EXPH5: variants seen among roughly 807,000 people sequenced by gnomAD.
EXPH5 encodes the protein exophilin 5.
In EXPH5, 42 loss-of-function variants were observed where a neutral mutation model predicts 41.1. The observed-to-expected ratio is 1.02, with a 90% CI of 0.80 to 1.32. The LOEUF is 1.32. Ranked by LOEUF, EXPH5 falls within the 40% of genes most tolerant of loss-of-function variation. EXPH5 has a pLI of 0.00. For missense variants in EXPH5, 2,298 were observed against 2,314.5 expected (o/e 0.99, Z 0.15); for synonymous variants, 798 against 833.5 (o/e 0.96, Z 0.73).
In EXPH5 at chr11:108,509,832, T is replaced by G; in HGVS notation, c.5675A>C (p.Glu1892Ala). 2 of 1,613,690 alleles carry G rather than the reference T, an allele frequency of 1.2e-6. No homozygotes were observed. The highest frequency in any genetic ancestry group is 1.7e-6 in the Non-Finnish European group (2 of 1,179,894). ...ATTTTCTAAGAAAGCTAACTGTTGT[T>G]CTTTCCCAAAGATCCCATAGTCGAT... ...RPIDYGIFGK[E>A]QQLAFLENVK... Residue 1892 changes from glutamate to alanine, a missense_variant, in exon 6 of 6, where the codon GAA becomes GCA. Physicochemically the swap from Glu to Ala is moderately radical, Grantham distance 107. Coordinates refer to ENST00000265843, the MANE Select transcript of EXPH5 (RefSeq NM_015065.3).
In EXPH5 at chr11:108,505,772, A is replaced by G. The variant is rs1229437914; in HGVS notation, c.*3765T>C. On this transcript the variant is annotated 3_prime_UTR_variant, in exon 6 of 6. Transcript: ENST00000265843. ...AACCCTCTGGCACTTAACAAAGAAT[A>G]TTAATTTTATGGGGCTATGAGTTTT... 1 of 152,216 alleles carries G rather than the reference A, an allele frequency of 6.6e-6. No individual in the cohort carries two copies. Among genetic ancestry groups the G allele is most frequent in the Non-Finnish European group, 1.5e-5 (1 of 68,038 alleles). The allele number at this position is 152,216 out of a possible 1,614,324, so 9.4% of individuals were successfully genotyped here.
chr11:108,602,941 C>A, the EXPH5 span, among the ~76,000 whole-genome samples: 107,542 of 152,068 alleles, frequency 0.71, 41,592 homozygotes, highest in Non-Finnish European at 0.86. Flanking sequence ...AGGGCAGGAC[C>A]TGGTGGGAGG....
intron 1 of EXPH5, among the ~76,000 whole-genome samples, chr11:108,583,146 G>T (rs1425524975): frequency 6.6e-6 from 1 of 152,072 alleles, no homozygotes; most frequent in Non-Finnish European, 1.5e-5. Context: ...ACTTTGGGAG[G>T]CCAAGGTGAG....
At position 108,514,055 on chromosome 11, in the gene EXPH5, C is replaced by A; in HGVS notation, c.1452G>T (p.Glu484Asp). The change falls in exon 6 of 6, where the codon GAG becomes GAT. Residue 484 changes from glutamate to aspartate, a missense_variant. Transcript: ENST00000265843. Reference protein sequence around the residue: ...RFGQGPFWGQEKGHSFWSDFH... With the variant: ...RFGQGPFWGQDKGHSFWSDFH... ...AGTCAGACCAGAAAGAATGTCCTTT[C>A]TCTTGGCCCCAAAAAGGACCTTGTC... 1 of 1,614,136 alleles carries A rather than the reference C, an allele frequency of 6.2e-7. No homozygotes were observed. Among genetic ancestry groups the A allele is most frequent in the Non-Finnish European group, 8.5e-7 (1 of 1,180,012 alleles).
At chr11:108,583,859 A>G (rs1245339191) in intron 1 of EXPH5, among the ~76,000 whole-genome samples, 1 of 152,160 alleles carries the variant, frequency 6.6e-6, no homozygotes, top group African/African-American at 2.4e-5. Context: ...ATTGGAAAGG[A>G]AAAAATAAAA....
intron 4 of EXPH5, among the ~76,000 whole-genome samples, chr11:108,518,649 T>C (rs1450932517): frequency 6.6e-6 from 1 of 152,172 alleles, no homozygotes; most frequent in Non-Finnish European, 1.5e-5. Context: ...TACACAGCAC[T>C]GTCAGAGGCG....
chr11:108,549,076 G>A (rs1435393818), intron 1 of EXPH5, among the ~76,000 whole-genome samples: 1 of 152,178 alleles, frequency 6.6e-6, no homozygotes, highest in Non-Finnish European at 1.5e-5. Flanking sequence ...TCCACTTTAT[G>A]CCAATGAGAA....
intron 1 of EXPH5, among the ~76,000 whole-genome samples, chr11:108,562,022 A>G (rs2094013996): frequency 6.6e-6 from 1 of 152,204 alleles, no homozygotes; most frequent in African/African-American, 2.4e-5. Context: ...CTGGCCGTGC[A>G]GGGTTGAGGC....
intron 1 of EXPH5, among the ~76,000 whole-genome samples, chr11:108,585,060 A>C (rs968810719): frequency 3.9e-5 from 6 of 152,166 alleles, no homozygotes; most frequent in African/African-American, 1.2e-4. Context: ...TCAATCAGAA[A>C]ACAAATAACC....
chr11:108,587,065 T>A (rs1399326073), intron 1 of EXPH5, among the ~76,000 whole-genome samples: 1 of 152,136 alleles, frequency 6.6e-6, no homozygotes. Context: ...TTAGCCACCT[T>A]CTTCTCAATT....
chr11:108,552,340 G>A (rs995987288), intron 1 of EXPH5: 2 of 152,206 alleles, frequency 1.3e-5, no homozygotes, highest in East Asian at 1.9e-4. Context: ...ATTAGAAAAA[G>A]CAAGCAAGTA....
At chr11:108,541,886 C>CT (rs985347104) in intron 1 of EXPH5, 74 bp from the exon 2 acceptor site, 487 of 1,268,142 alleles carry the variant, frequency 3.8e-4, no homozygotes, top group Admixed American at 7.4e-4. Context: ...AATCAATGTA[C>CT]TTTTTTTTTG....
At chr11:108,606,017 C>T in the EXPH5 span, among the ~76,000 whole-genome samples, 1 of 152,160 alleles carries the variant, frequency 6.6e-6, no homozygotes, top group Admixed American at 6.5e-5. Context: ...TGTGAGATCT[C>T]ACCATCACCT....
At chr11:108,537,929 G>A (rs2093889557) in intron 3 of EXPH5, 7 of 958,638 alleles carry the variant, frequency 7.3e-6, no homozygotes, top group Non-Finnish European at 8.7e-6. Flanking sequence ...AATCACTAGT[G>A]TCTCAAAAAT....
At chr11:108,563,090 G>C (rs1304360511) in intron 1 of EXPH5, among the ~76,000 whole-genome samples, 1 of 152,220 alleles carries the variant, frequency 6.6e-6, no homozygotes, top group Non-Finnish European at 1.5e-5. Context: ...CATTGACTTG[G>C]AAGAGTGAAG....
intron 1 of EXPH5, among the ~76,000 whole-genome samples, chr11:108,575,419 A>G (rs2094076381): frequency 4.6e-5 from 7 of 152,242 alleles, no homozygotes; most frequent in Admixed American, 4.6e-4. Context: ...TACCCTTGAG[A>G]TAATTTAAAC....
rs767952619 is a variant in EXPH5, at chr11:108,514,593, A to G, written c.914T>C (p.Val305Ala). The change falls in exon 6 of 6, where the codon GTC becomes GCC. Residue 305 changes from valine to alanine, a missense_variant. Transcript: ENST00000265843. ...CTTTTGCACATAATCTTCTTTAAAGACTCTGGGCTCCCTTGTCCTATACAT... is the reference window on the plus strand; with the variant it reads ...CTTTTGCACATAATCTTCTTTAAAGGCTCTGGGCTCCCTTGTCCTATACAT... The part of the protein sequence containing the change: ...YDMYRTREPR[V>A]FKEDYVQKNT... The G allele has an allele frequency of 6.2e-7, 1 of 1,613,566 alleles. No individual in the cohort carries two copies.
chr11:108,507,072 A>C lies in EXPH5; in HGVS notation c.*2465T>G, dbSNP rs2093648279. 1 of 152,174 alleles carries C rather than the reference A, an allele frequency of 6.6e-6. No individual in the cohort carries two copies. The highest frequency in any genetic ancestry group is 2.1e-4 in the South Asian group (1 of 4,828). The allele number at this position is 152,174 out of a possible 1,614,324, so 9.4% of individuals were successfully genotyped here. A position where few individuals can be genotyped will look rare whatever the true frequency, so the allele number is the denominator to read the frequency against. On this transcript the variant is annotated 3_prime_UTR_variant, in exon 6 of 6. Transcript: ENST00000265843. ...AGAATTTACAAACATATATTAACCAAGAAATAGTGTTATTTATTCTTTACC... is the reference window on the plus strand; with the variant it reads ...AGAATTTACAAACATATATTAACCACGAAATAGTGTTATTTATTCTTTACC...
intron 1 of EXPH5, among the ~76,000 whole-genome samples, chr11:108,577,172 C>T (rs1072877): frequency 0.6 from 90,997 of 152,042 alleles, 27,537 homozygotes; most frequent in East Asian, 0.72. Flanking sequence ...GATCTGTATC[C>T]TGGCTATTGT....
Sources: allele counts gnomAD v4.1 joint callset (sites outside exome capture counted in the v4.1 genomes callset), GRCh38; gene constraint gnomAD v4.1.1; transcripts MANE v1.5; gene names NCBI Gene and HGNC (gene_info 2026-07-23, HGNC 2026-07-21).